WARS2: variants seen among roughly 807,000 people sequenced by gnomAD.
WARS2 encodes tryptophanyl tRNA synthetase 2, mitochondrial.
A neutral mutation model predicts 36.5 loss-of-function variants in WARS2; 28 were observed. The observed-to-expected ratio is 0.77, with a 90% CI of 0.57 to 1.05. WARS2 has a LOEUF of 1.05. WARS2 is among the 50% of genes least tolerant of loss of function. The probability of loss-of-function intolerance (pLI) is 0.00; values close to 1 mark genes in which losing one functional copy is unlikely to be tolerated. For missense variants in WARS2, 435 were observed against 456.8 expected, an observed-to-expected ratio of 0.95 and a Z score of 0.44; for synonymous variants, 174 against 178.4, an observed-to-expected ratio of 0.98 and a Z score of 0.20.
At chr1:119,100,540 T>C (rs1653780693) in intron 1 of WARS2, among the ~76,000 whole-genome samples, 1 of 152,208 alleles carries the variant, frequency 6.6e-6, no homozygotes, top group Non-Finnish European at 1.5e-5. Context: ...GGAATCAATC[T>C]AAGTGTTCAT....
At chr1:119,061,218 T>C (rs540202316) in intron 2 of WARS2, among the ~76,000 whole-genome samples, 1 of 152,230 alleles carries the variant, frequency 6.6e-6, no homozygotes, top group East Asian at 1.9e-4. Context: ...AAAGAGGCAG[T>C]CAATGGAGAC....
At chr1:119,077,810 T>C (rs759086082) in intron 1 of WARS2, among the ~76,000 whole-genome samples, 110 of 152,288 alleles carry the variant, frequency 7.2e-4, no homozygotes, top group Non-Finnish European at 9.6e-4. Context: ...AATTATTTTA[T>C]AATACATTCC....
intron 1 of WARS2, among the ~76,000 whole-genome samples, chr1:119,080,807 C>A (rs771129001): frequency 6.6e-6 from 1 of 152,078 alleles, no homozygotes; most frequent in Non-Finnish European, 1.5e-5. Flanking sequence ...AGAATGAAAA[C>A]GAAAGGAGCT....
chr1:119,050,464 A>G (rs1481644339), intron 2 of WARS2, among the ~76,000 whole-genome samples: 1 of 152,158 alleles, frequency 6.6e-6, no homozygotes, highest in Non-Finnish European at 1.5e-5. Context: ...GCATGGTAGC[A>G]AAGATTTTTC....
chr1:119,132,946 C>A (rs1399038878), intron 1 of WARS2, among the ~76,000 whole-genome samples: 3 of 152,156 alleles, frequency 2.0e-5, no homozygotes, highest in Non-Finnish European at 4.4e-5. Flanking sequence ...TTCTTACTTC[C>A]CACCTTCTGA....
chr1:119,037,389 GA>G (rs1647973033), intron 4 of WARS2, among the ~76,000 whole-genome samples: 1 of 152,138 alleles, frequency 6.6e-6, no homozygotes, highest in South Asian at 2.1e-4. Flanking sequence ...TGCTCACAGA[GA>G]TTTGTTCTCT....
intron 1 of WARS2, among the ~76,000 whole-genome samples, chr1:119,137,525 A>G (rs1040649866): frequency 2.6e-5 from 4 of 152,144 alleles, no homozygotes; most frequent in African/African-American, 9.7e-5. Context: ...CTTTTGCAAA[A>G]ATCTACTAAC....
intron 2 of WARS2, among the ~76,000 whole-genome samples, chr1:119,046,351 ATT>A (rs35429480): frequency 7.2e-5 from 7 of 97,078 alleles, no homozygotes; most frequent in Non-Finnish European, 6.4e-5. Flanking sequence ...ACTTTCCCCA[ATT>A]TTTTTTTTTT....
At chr1:119,122,765 T>C (rs1282042130) in intron 1 of WARS2, among the ~76,000 whole-genome samples, 1 of 152,168 alleles carries the variant, frequency 6.6e-6, no homozygotes, top group Admixed American at 6.6e-5. Context: ...GAGACCACTA[T>C]TCTAAGTGAA....
chr1:119,059,600 G>C (rs940825198), intron 2 of WARS2, among the ~76,000 whole-genome samples: 1 of 152,156 alleles, frequency 6.6e-6, no homozygotes, highest in Admixed American at 6.5e-5. Flanking sequence ...TCAAAAGGCA[G>C]TATAAGTCCT....
At chr1:119,033,648 G>GT (rs1161304767) in intron 5 of WARS2, among the ~76,000 whole-genome samples, 2 of 152,180 alleles carry the variant, frequency 1.3e-5, no homozygotes, top group Non-Finnish European at 2.9e-5. Context: ...ATAGACTAAT[G>GT]TAAGTGTTCT....
In WARS2 at chr1:119,046,285, G is replaced by GT. The variant is rs71070781; in HGVS notation, c.349-624dup. On this transcript the variant is annotated intron_variant, in intron 2 of 5. Coordinates refer to ENST00000235521, the MANE Select transcript of WARS2 (RefSeq NM_015836.4). ...TTTCATCTTCCTCTCCTCCTTTTCT[G>GT]TTTTTTTTTTTTTTTTTTTTTTTTA... Among the ~76,000 whole-genome samples the GT allele has an allele frequency of 2.3e-3, 232 of 101,506 alleles. 1 individual carries two copies. Among genetic ancestry groups the GT allele is most frequent in the Middle Eastern group, 5.7e-3 (1 of 174 alleles). The allele number at this position is 101,506 out of a possible 152,430, so 66.6% of individuals were successfully genotyped here. A position where few individuals can be genotyped will look rare whatever the true frequency, so the allele number is the denominator to read the frequency against.
Position 119,126,561 on chromosome 1 carries a change from G to A in WARS2, c.90+13994C>T. The A allele has an allele frequency of 5.0e-6, 3 of 600,714 alleles. No homozygotes were observed. The South Asian group carries it at 5.2e-5, about 10-fold the overall frequency. The allele number at this position is 600,714 out of a possible 1,614,324, so 37.2% of individuals were successfully genotyped here. A position where few individuals can be genotyped will look rare whatever the true frequency, so the allele number is the denominator to read the frequency against. On this transcript the variant is annotated intron_variant, in intron 1 of 5. Transcript: ENST00000235521. The stretch of plus-strand genomic sequence containing the variant: ...ACTTCAGACAGATTCTTGGACTAGT[G>A]GTTCATATCCATCAGTTCGTTCAAC...
intron 2 of WARS2, among the ~76,000 whole-genome samples, chr1:119,075,920 T>C (rs1448205121): frequency 2.6e-5 from 4 of 152,226 alleles, no homozygotes; most frequent in Non-Finnish European, 5.9e-5. Flanking sequence ...ATGGGAATCA[T>C]CCAACAGACC....
At chr1:119,056,664 A>C (rs1417169716) in intron 2 of WARS2, among the ~76,000 whole-genome samples, 1 of 151,406 alleles carries the variant, frequency 6.6e-6, no homozygotes, top group African/African-American at 2.4e-5. Flanking sequence ...TCTATACACC[A>C]ATCAAGATAC....
intron 1 of WARS2, among the ~76,000 whole-genome samples, chr1:119,129,954 G>A (rs1044455321): frequency 1.3e-5 from 2 of 152,036 alleles, no homozygotes; most frequent in Admixed American, 1.3e-4. Flanking sequence ...ACATTTCTCT[G>A]CATTTATCAA....
rs587663927 is a variant in WARS2, at chr1:119,127,863, A to G, written c.90+12692T>C. 1.5e-4 allele frequency among the ~76,000 whole-genome samples: 23 copies of G among 152,148 alleles called. No individual in the cohort carries two copies. In the South Asian group the frequency reaches 4.1e-3, roughly 27 times the overall value. On this transcript the variant is annotated intron_variant, in intron 1 of 5. Transcript: ENST00000235521. Reference sequence around the variant, plus strand: ...GTTCAAGTTTCTTTCATCCCAAAAGACCTTACCTTCAAGAAAATTTTGGTA... The same window carrying G: ...GTTCAAGTTTCTTTCATCCCAAAAGGCCTTACCTTCAAGAAAATTTTGGTA...
rs921344367 is a variant in WARS2, at chr1:119,046,899, T to C, written c.349-1237A>G. Reference sequence around the variant, plus strand: ...AAGAACATAAAGGAGTGGAGCTGAATCAGCCCAGGCCTGTTCTACTAACAA... The same window carrying C: ...AAGAACATAAAGGAGTGGAGCTGAACCAGCCCAGGCCTGTTCTACTAACAA... On this transcript the variant is annotated intron_variant, in intron 2 of 5. Transcript: ENST00000235521. Among the ~76,000 whole-genome samples, 11 of 152,108 alleles carry C rather than the reference T, an allele frequency of 7.2e-5. 1 individual carries two copies. Among genetic ancestry groups the C allele is most frequent in the Admixed American group, 7.2e-4 (11 of 15,278 alleles).
intron 3 of WARS2, among the ~76,000 whole-genome samples, chr1:119,043,235 G>C (rs1648525626): frequency 6.6e-6 from 1 of 150,898 alleles, no homozygotes; most frequent in Admixed American, 6.6e-5. Context: ...AGCATCTCTT[G>C]TAAAATAAAT....
Sources: gnomAD v4.1 joint callset for allele counts (sites outside exome capture counted in the v4.1 genomes callset) on GRCh38, gnomAD v4.1.1 for gene constraint, MANE v1.5 for transcripts, NCBI Gene and HGNC (gene_info 2026-07-23, HGNC 2026-07-21) for gene names.